DMD: variants seen among roughly 807,000 people sequenced by gnomAD.
DMD encodes the protein dystrophin.
In DMD, 63 loss-of-function variants were observed where a neutral mutation model predicts 330.1. That is an observed-to-expected ratio of 0.19 (90% CI 0.16 to 0.24). The LOEUF (loss-of-function observed/expected upper bound fraction) is 0.24, where lower values mean the gene tolerates loss of function less well. Ranked by LOEUF, DMD falls within the 10% of genes least tolerant of loss-of-function variation. DMD has a pLI of 1.00. For missense variants in DMD, 3,344 were observed against 2,684.1 expected, an observed-to-expected ratio of 1.25 and a Z score of -5.43; for synonymous variants, 1,223 against 959.8, an observed-to-expected ratio of 1.27 and a Z score of -5.07.
chrX:31,486,640 C>A (rs1292065531), intron 57 of DMD, among the ~76,000 whole-genome samples: 1 of 111,832 alleles, frequency 8.9e-6, no homozygotes, highest in African/African-American at 3.3e-5. Context: ...ACTAGACAGG[C>A]TCTGAAATGT....
At chrX:33,197,087 G>C (rs1023436805) in intron 1 of DMD, among the ~76,000 whole-genome samples, 8 of 111,360 alleles carry the variant, frequency 7.2e-5, no homozygotes, top group African/African-American at 2.6e-4. Flanking sequence ...GAAATGGATT[G>C]CATTCTAGCA....
intron 1 of DMD, among the ~76,000 whole-genome samples, chrX:33,122,316 T>C (rs73453836): frequency 2.4e-4 from 27 of 112,958 alleles, no homozygotes; most frequent in African/African-American, 8.7e-4. Context: ...TCTACATTAA[T>C]GCACACACTC....
chrX:33,331,203 C>G (rs763171180), intron 1 of DMD, among the ~76,000 whole-genome samples: 4 of 111,629 alleles, frequency 3.6e-5, no homozygotes, highest in African/African-American at 1.3e-4. Context: ...GCCACTGTGG[C>G]CACCAAAACC....
chrX:31,767,861 A>G (rs2090099992), intron 51 of DMD, among the ~76,000 whole-genome samples: 1 of 112,261 alleles, frequency 8.9e-6, no homozygotes, highest in African/African-American at 3.2e-5. Context: ...GACCTTAACA[A>G]CAACAACAAA....
chrX:32,183,038 A>G (rs752673581), intron 44 of DMD, among the ~76,000 whole-genome samples: 1 of 111,924 alleles, frequency 8.9e-6, no homozygotes, highest in South Asian at 3.7e-4. Context: ...TTTTGCAGAA[A>G]AAAAACATAG....
At chrX:32,944,216 T>C (rs953920205) in intron 2 of DMD, among the ~76,000 whole-genome samples, 6 of 112,553 alleles carry the variant, frequency 5.3e-5, no homozygotes, top group African/African-American at 1.6e-4. Context: ...TTTTTCTGAA[T>C]TGATTTGTAA....
chrX:32,316,735 T>C (rs1202128992), intron 41 of DMD, among the ~76,000 whole-genome samples: 3 of 111,408 alleles, frequency 2.7e-5, no homozygotes, highest in Admixed American at 9.6e-5. Flanking sequence ...TATAGACTTT[T>C]TTGTAATTTT....
At chrX:32,432,414 T>C (rs2098242079) in intron 29 of DMD, among the ~76,000 whole-genome samples, 1 of 111,902 alleles carries the variant, frequency 8.9e-6, no homozygotes, top group Non-Finnish European at 1.9e-5. Flanking sequence ...TCTGATTTTT[T>C]TCCTAGCCTT....
rs1418575445 is a variant in DMD at position 31,146,314 on chromosome X, C to T, written c.10898G>A (p.Gly3633Asp). The change falls in exon 76 of 79, where the codon GGC (glycine) becomes GAC (aspartate). Residue 3633 changes from glycine to aspartate, a missense_variant. Gly to Asp is a moderately conservative substitution (Grantham distance 94, BLOSUM62 -1). Coordinates refer to ENST00000357033, the MANE Select transcript of DMD (RefSeq NM_004006.3). ...ACCCATGGAGTCCGAAGTTTGACTG[C>T]CAACCACTCGGAGCAGCATAGGCTG... ...SSQPMLLRVV[G>D]SQTSDSMGEE... The T allele has an allele frequency of 1.7e-6, 2 of 1,210,879 alleles. No individual in the cohort carries two copies. Among genetic ancestry groups the T allele is most frequent in the East Asian group, 3.0e-5 (1 of 33,821 alleles).
At chrX:32,194,539 C>T (rs1316059961) in intron 44 of DMD, among the ~76,000 whole-genome samples, 3 of 111,818 alleles carry the variant, frequency 2.7e-5, no homozygotes, top group Non-Finnish European at 5.6e-5. Flanking sequence ...TATTCACTGC[C>T]GAGTAAAATT....
intron 11 of DMD, among the ~76,000 whole-genome samples, chrX:32,614,658 A>G (rs1335425057): frequency 9.0e-6 from 1 of 111,419 alleles, no homozygotes; most frequent in Non-Finnish European, 1.9e-5. Context: ...ACAAATCCTG[A>G]TTTCTAAAAA....
chrX:32,167,099 C>A (rs1281131985), intron 44 of DMD, among the ~76,000 whole-genome samples: 2 of 111,808 alleles, frequency 1.8e-5, no homozygotes, highest in Non-Finnish European at 1.9e-5. Context: ...TCACCCCTAC[C>A]TGTGCATTCA....
intron 7 of DMD, among the ~76,000 whole-genome samples, chrX:32,708,533 G>A (rs1178077309): frequency 1.8e-5 from 2 of 111,190 alleles, no homozygotes; most frequent in African/African-American, 6.5e-5. Flanking sequence ...CAATATATAC[G>A]ATCTATTATT....
At chrX:31,977,397 C>A (rs905820721) in intron 44 of DMD, among the ~76,000 whole-genome samples, 1 of 111,279 alleles carries the variant, frequency 9.0e-6, no homozygotes, top group African/African-American at 3.3e-5. Context: ...TTAAGGAAAG[C>A]TGTCGTTTCT....
At chrX:31,367,504 A>G (rs937218211) in intron 60 of DMD, among the ~76,000 whole-genome samples, 7 of 111,495 alleles carry the variant, frequency 6.3e-5, no homozygotes, top group Non-Finnish European at 9.4e-5. Context: ...TGCAACACTG[A>G]CTTCTATGTA....
At chrX:32,041,285 C>G (rs1158945064) in intron 44 of DMD, among the ~76,000 whole-genome samples, 2 of 111,890 alleles carry the variant, frequency 1.8e-5, no homozygotes, top group Non-Finnish European at 3.8e-5. Context: ...GTTTCGCCCA[C>G]ATTGAAAATC....
rs752374886 is a variant in DMD at position 31,585,402 on chromosome X, G to A, written c.8217+42271C>T. On this transcript the variant is annotated intron_variant, in intron 55 of 78. Transcript: ENST00000357033. ...GACCACTGTTAGCTGCGAGGGACCC[G>A]ACTTGCCGAACCAGTCTAAGATATT... 7.5e-5 allele frequency among the ~76,000 whole-genome samples: 8 copies of A among 106,649 alleles called. No individual in the cohort carries two copies. In the South Asian group the frequency reaches 3.4e-3, roughly 45 times the overall value. 92.6% of individuals were successfully genotyped at this position (106,649 alleles called of 115,157 possible). A position where few individuals can be genotyped will look rare whatever the true frequency, so the allele number is the denominator to read the frequency against.
intron 16 of DMD, among the ~76,000 whole-genome samples, chrX:32,564,661 G>A (rs930771477): frequency 1.8e-5 from 2 of 111,552 alleles, no homozygotes; most frequent in Non-Finnish European, 3.8e-5. Context: ...ATTTTTTAAC[G>A]TAAAATTGGA....
At chrX:33,236,840 G>T (rs1026817166) in intron 1 of DMD, among the ~76,000 whole-genome samples, 2 of 111,189 alleles carry the variant, frequency 1.8e-5, no homozygotes, top group African/African-American at 6.6e-5. Flanking sequence ...AGGACCGGGT[G>T]GTAGTGTTAT....
Sources: allele counts gnomAD v4.1 joint callset (sites outside exome capture counted in the v4.1 genomes callset), GRCh38; gene constraint gnomAD v4.1.1; transcripts MANE v1.5; gene names NCBI Gene and HGNC (gene_info 2026-07-23, HGNC 2026-07-21).